CCDC18: variants seen among roughly 807,000 people sequenced by gnomAD.
CCDC18 encodes the protein coiled-coil domain containing 18.
In CCDC18, 157 loss-of-function variants were observed where a neutral mutation model predicts 196.0. The observed-to-expected ratio is 0.80, with a 90% CI of 0.70 to 0.91. The LOEUF (loss-of-function observed/expected upper bound fraction) is 0.91. CCDC18 is among the 40% of genes least tolerant of loss of function. The probability of loss-of-function intolerance (pLI) is 0.00; values close to 1 mark genes in which losing one functional copy is unlikely to be tolerated. For missense variants in CCDC18, 1,465 were observed against 1,611.6 expected (o/e 0.91, Z 1.56); for synonymous variants, 482 against 529.2 (o/e 0.91, Z 1.22).
rs550574161 is a variant in CCDC18, at chr1:93,239,474, G to A, written c.2767+1G>A. ...GAGCTAGAAAAGAAAACAAATGCTG[G>A]TAAGCAAGTGGTTAGATGAGTATAG... On this transcript the variant is annotated splice_donor_variant, in intron 20 of 28. Coordinates refer to ENST00000690025, the MANE Select transcript of CCDC18 (RefSeq NM_001378204.1). LOFTEE classifies it high-confidence loss of function. The A allele has an allele frequency of 1.9e-6, 3 of 1,607,086 alleles. No homozygotes were observed. The highest frequency in any genetic ancestry group is 2.5e-6 in the Non-Finnish European group (3 of 1,177,474).
At chr1:93,222,910 G>A (rs915223386) in intron 16 of CCDC18, among the ~76,000 whole-genome samples, 4 of 152,230 alleles carry the variant, frequency 2.6e-5, no homozygotes, top group South Asian at 2.1e-4. Context: ...TTAAAGATAC[G>A]ATGTTATTTT....
intron 1 of CCDC18, among the ~76,000 whole-genome samples, chr1:93,183,015 T>A (rs1649992663): frequency 6.6e-6 from 1 of 152,200 alleles, no homozygotes; most frequent in African/African-American, 2.4e-5. Context: ...TTTGTGTGAC[T>A]TTGAGCAAGT....
At chr1:93,226,828 C>G (rs1477676869) in intron 17 of CCDC18, among the ~76,000 whole-genome samples, 1 of 152,018 alleles carries the variant, frequency 6.6e-6, no homozygotes, top group Non-Finnish European at 1.5e-5. Flanking sequence ...GCCACTGTGC[C>G]TGGCCAAAAT....
At chr1:93,198,910 G>A (rs892428597) in intron 6 of CCDC18, among the ~76,000 whole-genome samples, 3 of 152,188 alleles carry the variant, frequency 2.0e-5, no homozygotes, top group African/African-American at 4.8e-5. Flanking sequence ...GCCTCCTAAA[G>A]TGCAAGTATT....
chr1:93,221,822 C>G (rs774355189), intron 15 of CCDC18, 37 bp from the exon 16 acceptor site: 1 of 1,580,260 alleles, frequency 6.3e-7, no homozygotes, highest in East Asian at 2.3e-5. Flanking sequence ...TAAATCTAAT[C>G]AAATCTGCAT....
intron 7 of CCDC18, among the ~76,000 whole-genome samples, chr1:93,202,963 T>C (rs764038606): frequency 1.3e-5 from 2 of 152,208 alleles, no homozygotes; most frequent in South Asian, 2.1e-4. Context: ...CTTGAGCTGC[T>C]AGGCTATCTC....
intron 17 of CCDC18, among the ~76,000 whole-genome samples, chr1:93,228,771 T>C (rs1485782556): frequency 6.6e-6 from 1 of 152,040 alleles, no homozygotes; most frequent in African/African-American, 2.4e-5. Context: ...CTCCGCTTCA[T>C]AATAAATAGA....
chr1:93,265,696 A>G (rs1664408070), intron 27 of CCDC18, among the ~76,000 whole-genome samples: 1 of 152,226 alleles, frequency 6.6e-6, no homozygotes, highest in Non-Finnish European at 1.5e-5. Context: ...AGAGACCAAG[A>G]AGGCCATTAC....
At chr1:93,254,724 G>A (rs1374359265) in intron 24 of CCDC18, 110 bp downstream of exon 24, 3 of 1,023,996 alleles carry the variant, frequency 2.9e-6, no homozygotes, top group Non-Finnish European at 4.4e-6. Flanking sequence ...TGCCATAACT[G>A]TTTTTAGGCT....
chr1:93,261,245 CT>C (rs1449240639), intron 26 of CCDC18, among the ~76,000 whole-genome samples: 2 of 151,928 alleles, frequency 1.3e-5, no homozygotes, highest in African/African-American at 4.8e-5. Flanking sequence ...TGTAAAACTC[CT>C]GACTTATTGG....
intron 23 of CCDC18, among the ~76,000 whole-genome samples, chr1:93,250,547 C>T (rs1477251128): frequency 6.6e-6 from 1 of 152,002 alleles, no homozygotes; most frequent in Non-Finnish European, 1.5e-5. Context: ...CTGTTCATTA[C>T]TGAGAGTGGG....
chr1:93,217,728 G>A lies in CCDC18; in HGVS notation c.1831-10G>A. 6.3e-7 allele frequency: 1 copy of A among 1,595,380 alleles called. No homozygotes were observed. The highest frequency in any genetic ancestry group is 8.5e-7 in the Non-Finnish European group (1 of 1,172,496). On this transcript the variant is annotated splice_polypyrimidine_tract_variant and intron_variant, in intron 13 of 28. Coordinates refer to ENST00000690025, the MANE Select transcript of CCDC18 (RefSeq NM_001378204.1). ...CAATTATACTCCTTTAAAGTGTTTT[G>A]TGTTTCTAGGAAAAGAATGAAAAGA...
chr1:93,256,107 A>C (rs943657354), intron 24 of CCDC18, among the ~76,000 whole-genome samples: 4 of 152,180 alleles, frequency 2.6e-5, no homozygotes, highest in Non-Finnish European at 5.9e-5. Flanking sequence ...AATATATATC[A>C]ATAAGAGTCC....
intron 10 of CCDC18, among the ~76,000 whole-genome samples, chr1:93,211,375 T>C (rs1433287448): frequency 5.9e-5 from 9 of 152,186 alleles, no homozygotes; most frequent in Admixed American, 1.3e-4. Context: ...CAACTAAGAA[T>C]TGAATCTTCT....
Position 93,270,763 on chromosome 1 carries a change from A to T in CCDC18, c.4302A>T (p.Glu1434Asp). ...LSGMLRYINKEVRLLKKSSMQ... is the reference protein window; with the variant it reads ...LSGMLRYINKDVRLLKKSSMQ... ...GGATGCTAAGATACATAAACAAAGA[A>T]GTAAGACTATTAAAAAAGTCTTCTA... Residue 1434 changes from glutamate to aspartate, a missense_variant, in exon 28 of 29, where the codon GAA becomes GAT. Coordinates refer to ENST00000690025, the MANE Select transcript of CCDC18 (RefSeq NM_001378204.1). The T allele has an allele frequency of 6.5e-7, 1 of 1,547,064 alleles. No individual in the cohort carries two copies. The highest frequency in any genetic ancestry group is 8.7e-7 in the Non-Finnish European group (1 of 1,145,950).
chr1:93,204,487 A>T (rs1465115272), intron 7 of CCDC18, among the ~76,000 whole-genome samples: 1 of 152,204 alleles, frequency 6.6e-6, no homozygotes, highest in Admixed American at 6.5e-5. Flanking sequence ...TTGAGAGAAT[A>T]TATGGAAAGA....
At chr1:93,220,081 A>T (rs1302202524) in intron 14 of CCDC18, among the ~76,000 whole-genome samples, 1 of 152,208 alleles carries the variant, frequency 6.6e-6, no homozygotes, top group Non-Finnish European at 1.5e-5. Flanking sequence ...AAAGAGAACT[A>T]CTTCTAGACA....
At chr1:93,253,215 GC>G (rs1662499302) in intron 23 of CCDC18, among the ~76,000 whole-genome samples, 1 of 152,348 alleles carries the variant, frequency 6.6e-6, no homozygotes. Flanking sequence ...TTGAGACTGG[GC>G]CCCCTTGGCA....
chr1:93,214,048 A>G (rs910313376), intron 11 of CCDC18, among the ~76,000 whole-genome samples: 2 of 152,146 alleles, frequency 1.3e-5, no homozygotes, highest in Non-Finnish European at 2.9e-5. Flanking sequence ...GGAGATGTGT[A>G]TGTTTATAGT....
Sources: gnomAD v4.1 joint callset for allele counts (sites outside exome capture counted in the v4.1 genomes callset) on GRCh38, gnomAD v4.1.1 for gene constraint, MANE v1.5 for transcripts, NCBI Gene and HGNC (gene_info 2026-07-23, HGNC 2026-07-21) for gene names.